MGAT5: variants seen among roughly 807,000 people sequenced by gnomAD.
The protein encoded by MGAT5 is alpha-1,6-mannosylglycoprotein 6-beta-N-acetylglucosaminyltransferase.
In MGAT5, 30 loss-of-function variants were observed where a neutral mutation model predicts 94.3. That is an observed-to-expected ratio of 0.32 (90% confidence interval 0.24 to 0.43). The LOEUF is 0.43. MGAT5 is among the 20% of genes least tolerant of loss of function. MGAT5 has a pLI of 1.00. For synonymous variants in MGAT5, 310 were observed against 322.9 expected, an observed-to-expected ratio of 0.96 and a Z score of 0.43; for missense variants, 691 against 905.5, an observed-to-expected ratio of 0.76 and a Z score of 3.04.
intron 2 of MGAT5, among the ~76,000 whole-genome samples, chr2:134,299,060 C>G (rs1244884034): frequency 6.6e-6 from 1 of 152,160 alleles, no homozygotes; most frequent in Non-Finnish European, 1.5e-5. Flanking sequence ...AAAACACTTG[C>G]CCATCGTTTC....
chr2:134,241,625 AG>A (rs1386902770), intron 1 of MGAT5, among the ~76,000 whole-genome samples: 1 of 152,252 alleles, frequency 6.6e-6, no homozygotes, highest in Non-Finnish European at 1.5e-5. Context: ...ACATTAGCAA[AG>A]ATAGTATCAA....
intron 1 of MGAT5, among the ~76,000 whole-genome samples, chr2:134,164,681 A>G (rs1016697841): frequency 1.3e-5 from 2 of 152,188 alleles, no homozygotes; most frequent in East Asian, 1.9e-4. Flanking sequence ...AAGTATGCCA[A>G]ATGACTTAAC....
chr2:134,303,991 T>C (rs1381122140), intron 2 of MGAT5, among the ~76,000 whole-genome samples: 1 of 152,202 alleles, frequency 6.6e-6, no homozygotes, highest in Non-Finnish European at 1.5e-5. Flanking sequence ...TCCCTCACTC[T>C]TTAGTGTCAT....
intron 1 of MGAT5, among the ~76,000 whole-genome samples, chr2:134,184,181 TAAA>T (rs1011681688): frequency 1.2e-4 from 18 of 152,318 alleles, no homozygotes; most frequent in African/African-American, 4.1e-4. Context: ...TGGTTGCAAA[TAAA>T]AACCAGTTCA....
chr2:134,326,058 T>C (rs1422941729), intron 4 of MGAT5, among the ~76,000 whole-genome samples: 2 of 151,620 alleles, frequency 1.3e-5, no homozygotes, highest in East Asian at 3.9e-4. Flanking sequence ...CTCTCTTTTT[T>C]TTTTTTTTTT....
chr2:134,392,635 T>A (rs1270642357), intron 10 of MGAT5, among the ~76,000 whole-genome samples: 2 of 152,224 alleles, frequency 1.3e-5, no homozygotes, highest in African/African-American at 4.8e-5. Flanking sequence ...AACAACAGCA[T>A]GTTGACACTC....
At chr2:134,409,396 A>C (rs1467074966) in intron 11 of MGAT5, among the ~76,000 whole-genome samples, 1 of 152,230 alleles carries the variant, frequency 6.6e-6, no homozygotes, top group Non-Finnish European at 1.5e-5. Flanking sequence ...AGACAGAAGC[A>C]CCTAGCAGTG....
intron 12 of MGAT5, among the ~76,000 whole-genome samples, chr2:134,416,491 C>T (rs1207032164): frequency 8.6e-6 from 1 of 115,878 alleles, no homozygotes; most frequent in African/African-American, 4.0e-5. Flanking sequence ...TTTTTGGAGA[C>T]CGGGTCTTGC....
At chr2:134,387,618 C>T (rs968637777) in intron 10 of MGAT5, among the ~76,000 whole-genome samples, 10 of 151,896 alleles carry the variant, frequency 6.6e-5, no homozygotes, top group Admixed American at 2.6e-4. Context: ...AGCCATTTTC[C>T]GCTAGAAGTT....
chr2:134,215,953 T>C (rs77155840), intron 1 of MGAT5, among the ~76,000 whole-genome samples: 3,396 of 152,302 alleles, frequency 0.022, 53 homozygotes, highest in Middle Eastern at 0.051. Context: ...TATTTTTGAT[T>C]CTGAAGGACT....
chr2:134,453,044 G>A lies in MGAT5; in HGVS notation c.*4197G>A, dbSNP rs1224980795. 6.6e-6 allele frequency: 1 copy of A among 152,198 alleles called. No individual in the cohort carries two copies. Among genetic ancestry groups the A allele is most frequent in the Non-Finnish European group, 1.5e-5 (1 of 68,040 alleles). 9.4% of individuals were successfully genotyped at this position (152,198 alleles called of 1,614,324 possible). On this transcript the variant is annotated 3_prime_UTR_variant, in exon 16 of 16. Transcript: ENST00000281923. ...TTCTTAGCACTTAGGGTTTTGTGAG[G>A]ATTCAGTGTTTAGCACAGTGCTTGG...
chr2:134,425,858 A>G lies in MGAT5; in HGVS notation c.1795-2507A>G, dbSNP rs552724822. On this transcript the variant is annotated intron_variant, in intron 13 of 15. Transcript: ENST00000281923. ...GAACTTCACAGTGCAATCTGTAGGC[A>G]TCCTTCCTGTGGCCCTCGCCATATG... Among the ~76,000 whole-genome samples the G allele has an allele frequency of 1.3e-4, 19 of 151,780 alleles. No individual in the cohort carries two copies. In the South Asian group the frequency reaches 3.7e-3, roughly 30 times the overall value.
chr2:134,264,125 C>T (rs761927783), intron 1 of MGAT5, among the ~76,000 whole-genome samples: 15 of 149,316 alleles, frequency 1.0e-4, no homozygotes, highest in South Asian at 8.4e-4. Context: ...CAGGTTCAAG[C>T]GATTCTCCTG....
At chr2:134,172,665 T>C (rs12691863) in intron 1 of MGAT5, among the ~76,000 whole-genome samples, 30,359 of 152,162 alleles carry the variant, frequency 0.2, 4,035 homozygotes, top group Non-Finnish European at 0.29. Flanking sequence ...GGATTACAGG[T>C]GTGAGCCACC....
chr2:134,289,931 A>T (rs1305703952), intron 2 of MGAT5, among the ~76,000 whole-genome samples: 1 of 152,220 alleles, frequency 6.6e-6, no homozygotes, highest in Non-Finnish European at 1.5e-5. Flanking sequence ...TTTGCTTTGT[A>T]TCTTTTTGCT....
At chr2:134,351,507 C>G (rs1679384726) in intron 9 of MGAT5, among the ~76,000 whole-genome samples, 1 of 152,044 alleles carries the variant, frequency 6.6e-6, no homozygotes, top group Admixed American at 6.6e-5. Context: ...ACATAAAGTT[C>G]TATTTTAGAA....
intron 1 of MGAT5, among the ~76,000 whole-genome samples, chr2:134,139,600 A>T (rs1686572719): frequency 6.6e-6 from 1 of 152,106 alleles, no homozygotes; most frequent in Admixed American, 6.5e-5. Context: ...CTTATAAATG[A>T]TATTACAGCC....
intron 1 of MGAT5, among the ~76,000 whole-genome samples, chr2:134,228,244 C>T (rs941887114): frequency 1.3e-5 from 2 of 152,094 alleles, no homozygotes; most frequent in Non-Finnish European, 2.9e-5. Context: ...TAAGGTGTTT[C>T]TTGGAAGGGG....
intron 1 of MGAT5, among the ~76,000 whole-genome samples, chr2:134,132,203 G>A (rs915093554): frequency 2.0e-5 from 3 of 152,202 alleles, no homozygotes; most frequent in African/African-American, 7.2e-5. Context: ...TTGTACTTAA[G>A]TTCAAGAACT....
Sources: allele counts gnomAD v4.1 joint callset (sites outside exome capture counted in the v4.1 genomes callset), GRCh38; gene constraint gnomAD v4.1.1; transcripts MANE v1.5; gene names NCBI Gene and HGNC (gene_info 2026-07-23, HGNC 2026-07-21).